PALM2AKAP2: variants seen among roughly 807,000 people sequenced by gnomAD.
PALM2AKAP2 encodes the protein PALM2 and AKAP2 fusion.
PALM2AKAP2 carries 37 observed loss-of-function variants against 71.5 expected under a neutral mutation model. That is an observed-to-expected ratio of 0.52 (90% CI 0.40 to 0.68). The LOEUF (loss-of-function observed/expected upper bound fraction) is 0.68. Among genes scored for constraint, PALM2AKAP2 ranks in the 30% least tolerant of loss-of-function variants. The pLI is 0.00. For missense variants in PALM2AKAP2, 1,224 were observed against 1,191.8 expected, an observed-to-expected ratio of 1.03 and a Z score of -0.40; for synonymous variants, 468 against 478.8, an observed-to-expected ratio of 0.98 and a Z score of 0.29.
At chr9:109,782,312 G>A (rs1035873419) in intron 1 of PALM2AKAP2, among the ~76,000 whole-genome samples, 1 of 152,184 alleles carries the variant, frequency 6.6e-6, no homozygotes, top group Non-Finnish European at 1.5e-5. Flanking sequence ...AATTGAGTTT[G>A]TCCTGTGTAT....
intron 3 of PALM2AKAP2, among the ~76,000 whole-genome samples, chr9:109,892,140 C>A (rs1830104246): frequency 6.6e-6 from 1 of 152,184 alleles, no homozygotes; most frequent in African/African-American, 2.4e-5. Context: ...GCTCCAGAGG[C>A]CAGAAGTCCA....
chr9:109,661,296 G>C (rs1034489139), intron 1 of PALM2AKAP2, among the ~76,000 whole-genome samples: 2 of 152,122 alleles, frequency 1.3e-5, no homozygotes, highest in African/African-American at 2.4e-5. Flanking sequence ...CATGGTTTTA[G>C]GTCTACCATT....
chr9:109,972,768 A>T (rs1832094422), intron 6 of PALM2AKAP2, among the ~76,000 whole-genome samples: 1 of 152,168 alleles, frequency 6.6e-6, no homozygotes, highest in Admixed American at 6.5e-5. Flanking sequence ...GTTCACAAAC[A>T]TTACCTTGCC....
chr9:109,712,821 A>G (rs1828261802), intron 1 of PALM2AKAP2, among the ~76,000 whole-genome samples: 2 of 152,232 alleles, frequency 1.3e-5, no homozygotes, highest in African/African-American at 4.8e-5. Context: ...GGGCAGAGAA[A>G]GCTCACTACT....
At chr9:109,898,546 T>C (rs1397858200) in intron 3 of PALM2AKAP2, among the ~76,000 whole-genome samples, 1 of 152,252 alleles carries the variant, frequency 6.6e-6, no homozygotes, top group African/African-American at 2.4e-5. Context: ...TATTAGGACA[T>C]ACTCACTATT....
At chr9:110,126,570 C>A (rs1253527358) in intron 1 of PALM2AKAP2, among the ~76,000 whole-genome samples, 2 of 152,184 alleles carry the variant, frequency 1.3e-5, no homozygotes, top group Non-Finnish European at 2.9e-5. Context: ...CTTGATAGGG[C>A]GCTCAGTATC....
chr9:109,793,561 C>T (rs1402349942), intron 1 of PALM2AKAP2, among the ~76,000 whole-genome samples: 1 of 152,108 alleles, frequency 6.6e-6, no homozygotes, highest in African/African-American at 2.4e-5. Context: ...TTCATTTTTC[C>T]ATTTTACTAG....
chr9:109,652,183 A>G (rs1827235163), intron 1 of PALM2AKAP2, among the ~76,000 whole-genome samples: 1 of 152,196 alleles, frequency 6.6e-6, no homozygotes, highest in Admixed American at 6.5e-5. Context: ...ACTTTTATAT[A>G]GTATTTTGAT....
chr9:110,081,285 A>G (rs950805147), intron 1 of PALM2AKAP2, among the ~76,000 whole-genome samples: 2 of 152,168 alleles, frequency 1.3e-5, no homozygotes, highest in African/African-American at 2.4e-5. Flanking sequence ...ATCAAAAGAT[A>G]TTTTTTCTTA....
intron 3 of PALM2AKAP2, among the ~76,000 whole-genome samples, chr9:110,160,055 A>G (rs974789457): frequency 2.0e-5 from 3 of 152,206 alleles, no homozygotes; most frequent in Middle Eastern, 3.2e-3. Context: ...TTCTGAGGGC[A>G]GGAGGATTAC....
intron 1 of PALM2AKAP2, among the ~76,000 whole-genome samples, chr9:109,643,057 G>GAGAA (rs1174225684): frequency 6.9e-6 from 1 of 145,180 alleles, no homozygotes; most frequent in African/African-American, 2.5e-5. Flanking sequence ...AGAAGAAAAA[G>GAGAA]AGAAAGAAAG....
chr9:110,099,914 G>T (rs1416989342), intron 1 of PALM2AKAP2, among the ~76,000 whole-genome samples: 1 of 151,460 alleles, frequency 6.6e-6, no homozygotes, highest in Non-Finnish European at 1.5e-5. Context: ...TAGCATCTGG[G>T]GCATATAATT....
At chr9:109,678,756 G>A (rs1268806497) in intron 1 of PALM2AKAP2, among the ~76,000 whole-genome samples, 1 of 152,006 alleles carries the variant, frequency 6.6e-6, no homozygotes, top group Non-Finnish European at 1.5e-5. Flanking sequence ...TTTTCTGGCC[G>A]GAGGTAAGCC....
intron 1 of PALM2AKAP2, among the ~76,000 whole-genome samples, chr9:110,073,701 A>G (rs558644665): frequency 3.3e-5 from 5 of 152,286 alleles, no homozygotes; most frequent in Non-Finnish European, 7.4e-5. Flanking sequence ...GGCAAACTGC[A>G]GTGTCTACAT....
At chr9:110,148,501 C>G (rs1836232271) in intron 2 of PALM2AKAP2, 1 of 152,186 alleles carries the variant, frequency 6.6e-6, no homozygotes, top group South Asian at 2.1e-4. Flanking sequence ...CGGGTCACAG[C>G]TGGAACCGCA....
upstream of PALM2AKAP2, chr9:110,048,606 G>A (rs1833644110): frequency 7.4e-7 from 1 of 1,343,900 alleles, no homozygotes; most frequent in Non-Finnish European, 9.7e-7. Flanking sequence ...GCTACTGGAG[G>A]GGAAGCGAGG....
rs563016365 is a variant in PALM2AKAP2, at chr9:110,005,683, G to A, written c.497-10271G>A. Among the ~76,000 whole-genome samples the A allele has an allele frequency of 2.0e-5, 3 of 152,300 alleles. No individual in the cohort carries two copies. The East Asian group carries it at 5.8e-4, about 29-fold the overall frequency. ...GTGCGGTGGGCTCCACCCAGTTCAA[G>A]CTTCCTGGCTGCTTTGTTTACCTAC... On this transcript the variant is annotated intron_variant, in intron 6 of 9. Transcript: ENST00000302798.
chr9:109,836,688 C>T (rs1194732780), intron 1 of PALM2AKAP2, among the ~76,000 whole-genome samples: 1 of 152,164 alleles, frequency 6.6e-6, no homozygotes, highest in South Asian at 2.1e-4. Flanking sequence ...CCTTAAATGA[C>T]CTGATGGAGC....
chr9:110,037,898 G>A (rs2132446395), intron 7 of PALM2AKAP2, among the ~76,000 whole-genome samples: 3 of 152,248 alleles, frequency 2.0e-5, no homozygotes, highest in Middle Eastern at 6.8e-3. Context: ...ATATAAATTT[G>A]GGATTCACCT....
Sources: gnomAD v4.1 joint callset for allele counts (sites outside exome capture counted in the v4.1 genomes callset) on GRCh38, gnomAD v4.1.1 for gene constraint, MANE v1.5 for transcripts, NCBI Gene and HGNC (gene_info 2026-07-23, HGNC 2026-07-21) for gene names.